RASEF: variants seen among roughly 807,000 people sequenced by gnomAD.
RASEF encodes the protein ras and EF-hand domain-containing protein.
A neutral mutation model predicts 90.1 loss-of-function variants in RASEF; 68 were observed. The observed-to-expected ratio is 0.75, with a 90% CI of 0.62 to 0.92. The LOEUF is 0.92. Among genes scored for constraint, RASEF ranks in the 40% least tolerant of loss-of-function variants. The probability of loss-of-function intolerance (pLI) is 0.00; values close to 1 mark genes in which losing one functional copy is unlikely to be tolerated. For synonymous variants in RASEF, 331 were observed against 345.2 expected (o/e 0.96, Z 0.46); for missense variants, 949 against 937.2 (o/e 1.01, Z -0.16).
the RASEF span, among the ~76,000 whole-genome samples, chr9:83,180,426 G>C: frequency 6.6e-6 from 1 of 151,368 alleles, no homozygotes; most frequent in Non-Finnish European, 1.5e-5. Flanking sequence ...ATTCAAGTCA[G>C]TATCTTGCCA....
chr9:82,984,570 G>A (rs1433607896), intron 16 of RASEF, among the ~76,000 whole-genome samples: 1 of 152,188 alleles, frequency 6.6e-6, no homozygotes, highest in East Asian at 1.9e-4. Context: ...AGATGGGTGA[G>A]TAGTACTATC....
chr9:82,981,139 G>C lies in RASEF; in HGVS notation c.*1538C>G, dbSNP rs561070071. On this transcript the variant is annotated 3_prime_UTR_variant, in exon 17 of 17. Coordinates refer to ENST00000376447, the MANE Select transcript of RASEF (RefSeq NM_152573.4). ...AGCTTATACAATACAATAAATAACAGCTACTTTTTAAGTTCCTTCAGCAAG... is the reference window on the plus strand; with the variant it reads ...AGCTTATACAATACAATAAATAACACCTACTTTTTAAGTTCCTTCAGCAAG... 4 of 152,312 alleles carry C rather than the reference G, an allele frequency of 2.6e-5. No homozygotes were observed. Among genetic ancestry groups the C allele is most frequent in the African/African-American group, 9.6e-5 (4 of 41,574 alleles). The allele number at this position is 152,312 out of a possible 1,614,324, so 9.4% of individuals were successfully genotyped here.
At chr9:83,034,417 G>A (rs965770525) in intron 1 of RASEF, among the ~76,000 whole-genome samples, 1 of 152,084 alleles carries the variant, frequency 6.6e-6, no homozygotes, top group African/African-American at 2.4e-5. Context: ...ATCTCCTGCA[G>A]GTAAAATTCT....
chr9:83,160,557 C>T, the RASEF span, among the ~76,000 whole-genome samples: 27 of 152,110 alleles, frequency 1.8e-4, no homozygotes, highest in East Asian at 4.1e-3. Flanking sequence ...AGAGGCAGAA[C>T]GTAAAAGTTT....
the RASEF span, among the ~76,000 whole-genome samples, chr9:83,129,886 A>C: frequency 5.9e-5 from 9 of 152,262 alleles, no homozygotes; most frequent in African/African-American, 2.2e-4. Flanking sequence ...TATGCAACAC[A>C]AGGAAACAAT....
chr9:83,005,656 G>C (rs1412281834), intron 7 of RASEF, among the ~76,000 whole-genome samples, 156 bp from the exon 8 acceptor site: 2 of 152,164 alleles, frequency 1.3e-5, no homozygotes, highest in Non-Finnish European at 2.9e-5. Context: ...CAAAAACTGA[G>C]ATAATTCATT....
At chr9:83,211,567 T>G in the RASEF span, among the ~76,000 whole-genome samples, 1 of 152,252 alleles carries the variant, frequency 6.6e-6, no homozygotes, top group Non-Finnish European at 1.5e-5. Context: ...CTCAGCAGAC[T>G]GGACTAGCTC....
At chr9:82,982,933 T>A in intron 16 of RASEF, 151 bp from the exon 17 acceptor site, 1 of 598,530 alleles carries the variant, frequency 1.7e-6, no homozygotes, top group South Asian at 2.0e-5. Context: ...TTTTAATGCT[T>A]TATAGGTCTT....
chr9:83,195,185 C>T, the RASEF span, among the ~76,000 whole-genome samples: 3 of 152,174 alleles, frequency 2.0e-5, no homozygotes, highest in Admixed American at 6.5e-5. Context: ...AGCTATGTGG[C>T]GGGATTTCAG....
At chr9:83,153,656 G>A in the RASEF span, among the ~76,000 whole-genome samples, 1 of 152,176 alleles carries the variant, frequency 6.6e-6, no homozygotes, top group Non-Finnish European at 1.5e-5. Flanking sequence ...CCTGCCAGTA[G>A]AGTTCTCATA....
the RASEF span, among the ~76,000 whole-genome samples, chr9:83,081,271 A>C: frequency 6.6e-6 from 1 of 152,178 alleles, no homozygotes; most frequent in South Asian, 2.1e-4. Flanking sequence ...GATGATTTGG[A>C]CTTGTGCAAG....
At chr9:83,131,522 A>T in the RASEF span, among the ~76,000 whole-genome samples, 1 of 152,328 alleles carries the variant, frequency 6.6e-6, no homozygotes, top group East Asian at 1.9e-4. Flanking sequence ...AAGCTTATTG[A>T]TAAGTGTCTC....
At chr9:83,108,734 G>A in the RASEF span, among the ~76,000 whole-genome samples, 1 of 152,144 alleles carries the variant, frequency 6.6e-6, no homozygotes, top group East Asian at 1.9e-4. Flanking sequence ...CCACAGGTGG[G>A]CTCTCTTTTC....
intron 1 of RASEF, among the ~76,000 whole-genome samples, chr9:83,028,681 T>C (rs1273590349): frequency 7.2e-5 from 11 of 152,202 alleles, no homozygotes; most frequent in Admixed American, 7.2e-4. Flanking sequence ...AAAATAGTTA[T>C]ACGTAGCGAG....
At chr9:83,136,871 C>T in the RASEF span, among the ~76,000 whole-genome samples, 1 of 151,928 alleles carries the variant, frequency 6.6e-6, no homozygotes, top group Non-Finnish European at 1.5e-5. Context: ...ATGTCAGTGC[C>T]TTGGGTTTTT....
At chr9:83,066,972 A>C (rs945264766), upstream of RASEF, among the ~76,000 whole-genome samples, 1 of 152,208 alleles carries the variant, frequency 6.6e-6, no homozygotes, top group Admixed American at 6.5e-5. Flanking sequence ...GTGGTGAGTC[A>C]TGAGAAGTGA....
chr9:83,211,556 T>C, the RASEF span, among the ~76,000 whole-genome samples: 9 of 152,336 alleles, frequency 5.9e-5, 1 homozygote, highest in South Asian at 1.9e-3. Flanking sequence ...CAATCAATAA[T>C]CTCAGCAGAC....
the RASEF span, among the ~76,000 whole-genome samples, chr9:83,093,788 G>A: frequency 6.6e-6 from 1 of 152,246 alleles, no homozygotes; most frequent in Non-Finnish European, 1.5e-5. Flanking sequence ...CTCCTCAAGT[G>A]CCGCCAAAGT....
intron 1 of RASEF, among the ~76,000 whole-genome samples, chr9:83,061,998 A>G (rs1564092446): frequency 6.6e-6 from 1 of 152,264 alleles, no homozygotes; most frequent in African/African-American, 2.4e-5. Flanking sequence ...CTATAGTCTT[A>G]GGAAAACGAC....
Sources: allele counts gnomAD v4.1 joint callset (sites outside exome capture counted in the v4.1 genomes callset), GRCh38; gene constraint gnomAD v4.1.1; transcripts MANE v1.5; gene names NCBI Gene and HGNC (gene_info 2026-07-23, HGNC 2026-07-21).